Variants in NCALD observed in about 807,000 individuals in gnomAD.
NCALD encodes the protein neurocalcin-delta.
In NCALD, 10 loss-of-function variants were observed where a neutral mutation model predicts 18.6. That is an observed-to-expected ratio of 0.54 (90% CI 0.33 to 0.91). The LOEUF is 0.91. Ranked by LOEUF, NCALD falls within the 40% of genes least tolerant of loss-of-function variation. The pLI, the probability that NCALD is intolerant of heterozygous loss-of-function variation, is 0.03. For missense variants in NCALD, 184 were observed against 247.6 expected, an observed-to-expected ratio of 0.74 and a Z score of 1.72; for synonymous variants, 88 against 87.4, an observed-to-expected ratio of 1.01 and a Z score of -0.04.
intron 2 of NCALD, among the ~76,000 whole-genome samples, chr8:101,971,250 G>T (rs907685656): frequency 1.3e-5 from 2 of 151,998 alleles, no homozygotes; most frequent in African/African-American, 4.8e-5. Context: ...GTGTATCGTG[G>T]TCTTCAGCTT....
chr8:101,799,353 T>C (rs1444516702), intron 4 of NCALD, among the ~76,000 whole-genome samples: 1 of 152,186 alleles, frequency 6.6e-6, no homozygotes, highest in Non-Finnish European at 1.5e-5. Flanking sequence ...ATAAAGATAC[T>C]ATGAAAAACA....
rs535977312 is a variant in NCALD at position 102,096,998 on chromosome 8, C to A, written c.-210+27239G>T. On this transcript the variant is annotated intron_variant, in intron 1 of 6. Coordinates refer to the NCALD transcript ENST00000311028. ...TAGTCACATTCTGAGGTACTGGGGG[C>A]CTAAGACTTCAACACAAGAATTTTA... is the stretch of plus-strand genomic sequence containing the variant. 9.2e-5 allele frequency among the ~76,000 whole-genome samples: 14 copies of A among 152,224 alleles called. No individual in the cohort carries two copies. In the East Asian group the frequency reaches 2.7e-3, roughly 29 times the overall value.
At chr8:101,763,860 C>T (rs1023490379) in intron 1 of NCALD, among the ~76,000 whole-genome samples, 1 of 151,798 alleles carries the variant, frequency 6.6e-6, no homozygotes, top group Non-Finnish European at 1.5e-5. Context: ...TACACCATCA[C>T]CTCTCCTGGG....
At position 101,786,486 on chromosome 8, in the gene NCALD, C is replaced by A. The variant is rs148761068; in HGVS notation, c.-20+4376G>T. ...ACTTTTGTGAGATGCTATTTTTGATCTCCAACGATATTGTAAATATGGTCG... is the reference window on the plus strand; with the variant it reads ...ACTTTTGTGAGATGCTATTTTTGATATCCAACGATATTGTAAATATGGTCG... On this transcript the variant is annotated intron_variant, in intron 1 of 3. Coordinates refer to ENST00000220931, the MANE Select transcript of NCALD (RefSeq NM_032041.3). Among the ~76,000 whole-genome samples the A allele has an allele frequency of 6.8e-4, 103 of 152,228 alleles. 1 individual carries two copies. In the East Asian group the frequency reaches 0.016, roughly 24 times the overall value.
intron 3 of NCALD, among the ~76,000 whole-genome samples, chr8:101,887,458 AAT>A (rs1218789598): frequency 6.6e-6 from 1 of 152,176 alleles, no homozygotes; most frequent in African/African-American, 2.4e-5. Context: ...AAAGAGTAGG[AAT>A]CAGCTCTGAG....
intron 1 of NCALD, among the ~76,000 whole-genome samples, chr8:102,065,614 C>G (rs1823984737): frequency 6.6e-6 from 1 of 152,196 alleles, no homozygotes; most frequent in African/African-American, 2.4e-5. Flanking sequence ...CAATTTTAAA[C>G]TCCCCAGGGC....
chr8:101,983,430 C>G (rs534583167), intron 2 of NCALD, among the ~76,000 whole-genome samples: 131 of 152,326 alleles, frequency 8.6e-4, no homozygotes, highest in South Asian at 2.5e-3. Flanking sequence ...TTCAAATTCT[C>G]TTTGTCCCAG....
intron 1 of NCALD, among the ~76,000 whole-genome samples, chr8:101,784,615 A>G (rs1450849608): frequency 6.6e-6 from 1 of 152,030 alleles, no homozygotes; most frequent in African/African-American, 2.4e-5. Flanking sequence ...TGGGCAACAT[A>G]GTGAGACCCC....
intron 1 of NCALD, among the ~76,000 whole-genome samples, chr8:101,753,640 T>C (rs1427847786): frequency 6.6e-6 from 1 of 152,172 alleles, no homozygotes; most frequent in Non-Finnish European, 1.5e-5. Flanking sequence ...CAAGTCAGTC[T>C]GCAAGGGTAG....
At chr8:101,895,107 A>T (rs1053162378) in intron 3 of NCALD, among the ~76,000 whole-genome samples, 16 of 150,870 alleles carry the variant, frequency 1.1e-4, no homozygotes, top group African/African-American at 4.0e-4. Context: ...TGATGCAAAA[A>T]TCCTCAATAA....
At chr8:101,843,226 T>G (rs2131297795) in intron 4 of NCALD, among the ~76,000 whole-genome samples, 1 of 152,260 alleles carries the variant, frequency 6.6e-6, no homozygotes, top group South Asian at 2.1e-4. Context: ...AATAAATGAG[T>G]CAAACTAGTC....
At chr8:102,110,431 GTAATTATTAGAA>G (rs1231467174) in intron 1 of NCALD, among the ~76,000 whole-genome samples, 1 of 152,122 alleles carries the variant, frequency 6.6e-6, no homozygotes, top group African/African-American at 2.4e-5. Flanking sequence ...TCGTTTTGCT[GTAATTATTAGAA>G]AGCACTCCAC....
At chr8:101,755,112 A>C (rs1330101516) in intron 1 of NCALD, among the ~76,000 whole-genome samples, 2 of 152,140 alleles carry the variant, frequency 1.3e-5, no homozygotes, top group Non-Finnish European at 2.9e-5. Flanking sequence ...CTGCAACTAG[A>C]CTGTCAATTC....
At chr8:101,864,444 C>A (rs901360466) in intron 4 of NCALD, among the ~76,000 whole-genome samples, 1 of 151,948 alleles carries the variant, frequency 6.6e-6, no homozygotes, top group East Asian at 1.9e-4. Context: ...TAAATGCCAA[C>A]GGAGTAAAGG....
intron 1 of NCALD, among the ~76,000 whole-genome samples, chr8:101,731,708 T>C (rs1206349601): frequency 1.3e-5 from 2 of 152,156 alleles, no homozygotes; most frequent in Non-Finnish European, 2.9e-5. Flanking sequence ...ACATCTTCTA[T>C]TGCTTGAAAT....
intron 1 of NCALD, among the ~76,000 whole-genome samples, chr8:101,734,336 A>T (rs543857634): frequency 6.6e-6 from 1 of 152,310 alleles, no homozygotes; most frequent in South Asian, 2.1e-4. Flanking sequence ...CACCCGGAAC[A>T]TGACTTGCTC....
At chr8:102,115,299 G>A (rs901217972) in intron 1 of NCALD, among the ~76,000 whole-genome samples, 3 of 152,102 alleles carry the variant, frequency 2.0e-5, no homozygotes, top group Non-Finnish European at 2.9e-5. Flanking sequence ...TAACATGAAG[G>A]GGCACTTTAC....
chr8:101,787,951 C>A (rs773353924), intron 1 of NCALD, among the ~76,000 whole-genome samples: 1 of 152,196 alleles, frequency 6.6e-6, no homozygotes, highest in East Asian at 1.9e-4. Context: ...ACTCGCATAA[C>A]TTGTACTAAC....
At chr8:102,109,729 C>T (rs1563625453) in intron 1 of NCALD, among the ~76,000 whole-genome samples, 1 of 152,128 alleles carries the variant, frequency 6.6e-6, no homozygotes, top group Non-Finnish European at 1.5e-5. Context: ...TACTATGACT[C>T]ATAATATCAA....
Sources: allele counts gnomAD v4.1 joint callset (sites outside exome capture counted in the v4.1 genomes callset), GRCh38; gene constraint gnomAD v4.1.1; transcripts MANE v1.5; gene names NCBI Gene and HGNC (gene_info 2026-07-23, HGNC 2026-07-21).